Variants in ATG16L1 observed in about 807,000 individuals in gnomAD.
ATG16L1 encodes autophagy-related protein 16-1.
ATG16L1 carries 37 observed loss-of-function variants against 88.5 expected under a neutral mutation model. The observed-to-expected ratio is 0.42, with a 90% CI of 0.32 to 0.55. The LOEUF (loss-of-function observed/expected upper bound fraction) is 0.55. ATG16L1 is among the 20% of genes least tolerant of loss of function. The probability of loss-of-function intolerance (pLI) is 0.13; values close to 1 mark genes in which losing one functional copy is unlikely to be tolerated. For synonymous variants in ATG16L1, 301 were observed against 281.0 expected (o/e 1.07, Z -0.71); for missense variants, 554 against 752.8 (o/e 0.74, Z 3.09).
At chr2:233,270,293 C>T (rs12105437) in intron 6 of ATG16L1, among the ~76,000 whole-genome samples, 5,213 of 152,190 alleles carry the variant, frequency 0.034, 200 homozygotes, top group African/African-American at 0.088. Flanking sequence ...TGAAAACATA[C>T]AGTTCTTCCA....
chr2:233,253,926 T>C (rs1377281452), intron 1 of ATG16L1, among the ~76,000 whole-genome samples: 1 of 152,204 alleles, frequency 6.6e-6, no homozygotes, highest in Non-Finnish European at 1.5e-5. Flanking sequence ...AAAGCTAATA[T>C]CCTTTGAAAG....
intron 9 of ATG16L1, among the ~76,000 whole-genome samples, chr2:233,276,159 C>T (rs1454501523): frequency 1.3e-5 from 2 of 152,132 alleles, no homozygotes; most frequent in Admixed American, 1.3e-4. Flanking sequence ...TGTTAATAGT[C>T]ACTCCCTCCG....
intron 13 of ATG16L1, 122 bp downstream of exon 13, chr2:233,290,096 T>G: frequency 6.5e-7 from 1 of 1,533,420 alleles, no homozygotes; most frequent in Non-Finnish European, 8.9e-7. Flanking sequence ...GCTTCATGTT[T>G]AGAGGGGCAC....
chr2:233,280,180 C>T (rs529987832), intron 10 of ATG16L1, among the ~76,000 whole-genome samples: 4 of 152,176 alleles, frequency 2.6e-5, no homozygotes, highest in African/African-American at 9.7e-5. Context: ...TGGCTCCAAT[C>T]ATTATTTTTA....
chr2:233,253,340 G>GTTTTTTTTTTT lies in ATG16L1; in HGVS notation c.115+1409_115+1419dup, dbSNP rs56151049. On this transcript the variant is annotated intron_variant, in intron 1 of 17. Coordinates refer to ENST00000392017, the MANE Select transcript of ATG16L1 (RefSeq NM_030803.7). ...GTTAATGGTGAGACTGGGTTTTTTT[G>GTTTTTTTTTTT]TTTTTTTTTTTTTTTTTTTTTGGAG... 2.2e-3 allele frequency among the ~76,000 whole-genome samples: 235 copies of GTTTTTTTTTTT among 108,602 alleles called. 3 individuals carry two copies. The highest frequency in any genetic ancestry group is 3.6e-3 in the East Asian group (13 of 3,640). The allele number at this position is 108,602 out of a possible 152,430, so 71.2% of individuals were successfully genotyped here.
At chr2:233,253,353 T>TTTTTG (rs1696543606) in intron 1 of ATG16L1, among the ~76,000 whole-genome samples, 1 of 140,950 alleles carries the variant, frequency 7.1e-6, no homozygotes, top group Non-Finnish European at 1.5e-5. Context: ...TTTTTTTTTT[T>TTTTTG]TTTTTTTTGG....
chr2:233,258,738 C>T (rs1696988233), intron 2 of ATG16L1, among the ~76,000 whole-genome samples: 1 of 152,140 alleles, frequency 6.6e-6, no homozygotes, highest in Non-Finnish European at 1.5e-5. Flanking sequence ...TCTCTGTTGC[C>T]CAGGCTGGAG....
At chr2:233,257,540 C>A (rs915942621) in intron 2 of ATG16L1, among the ~76,000 whole-genome samples, 14 of 152,152 alleles carry the variant, frequency 9.2e-5, no homozygotes, top group African/African-American at 3.4e-4. Context: ...CTATGATACT[C>A]AGTAGGTGAG....
chr2:233,293,429 C>G, intron 17 of ATG16L1, 72 bp downstream of exon 17: 3 of 1,377,718 alleles, frequency 2.2e-6, no homozygotes, highest in Non-Finnish European at 2.1e-6. Flanking sequence ...AGGGGTCATC[C>G]GGTTTAGACC....
intron 2 of ATG16L1, among the ~76,000 whole-genome samples, chr2:233,262,611 A>G (rs1697295954): frequency 6.6e-6 from 1 of 152,138 alleles, no homozygotes; most frequent in Non-Finnish European, 1.5e-5. Flanking sequence ...CACATGGCTT[A>G]TTCCTCACTT....
chr2:233,290,162 C>A, intron 13 of ATG16L1, 86 bp from the exon 14 acceptor site: 2 of 1,516,666 alleles, frequency 1.3e-6, no homozygotes, highest in Non-Finnish European at 1.8e-6. Flanking sequence ...GTAACTCTGA[C>A]AAGTCAGTGG....
intron 8 of ATG16L1, chr2:233,274,150 G>A: frequency 2.5e-6 from 3 of 1,215,046 alleles, no homozygotes; most frequent in Non-Finnish European, 3.5e-6. Context: ...TGCTAACGAG[G>A]ATGCTTTGCA....
At chr2:233,273,829 A>G in intron 8 of ATG16L1, 52 bp downstream of exon 8, 1 of 1,578,798 alleles carries the variant, frequency 6.3e-7, no homozygotes. Context: ...ACCTAAGTAT[A>G]TGTACATGAC....
Position 233,263,253 on chromosome 2 carries a change from C to T in ATG16L1, c.315+18C>T. 1 of 1,605,548 alleles carries T rather than the reference C, an allele frequency of 6.2e-7. No individual in the cohort carries two copies. The highest frequency in any genetic ancestry group is 8.5e-7 in the Non-Finnish European group (1 of 1,173,320). On this transcript the variant is annotated intron_variant, in intron 3 of 17. Transcript: ENST00000392017. ...GTGGGGAGGTAAAGCTAGCCCTTTT[C>T]CTCATCTGTCTTCTGCCCTCTATGA...
At chr2:233,253,229 T>C (rs908839094) in intron 1 of ATG16L1, among the ~76,000 whole-genome samples, 7 of 152,022 alleles carry the variant, frequency 4.6e-5, no homozygotes, top group Non-Finnish European at 7.4e-5. Flanking sequence ...CAAAATTCTG[T>C]GTATGAAGCA....
chr2:233,266,984 G>T (rs1477949996), intron 5 of ATG16L1, among the ~76,000 whole-genome samples: 2 of 152,102 alleles, frequency 1.3e-5, no homozygotes, highest in Non-Finnish European at 1.5e-5. Context: ...AAGAGTAGTG[G>T]GGAAGGAGGT....
At chr2:233,279,918 C>T (rs960748464) in intron 10 of ATG16L1, among the ~76,000 whole-genome samples, 4 of 152,118 alleles carry the variant, frequency 2.6e-5, no homozygotes, top group Non-Finnish European at 5.9e-5. Flanking sequence ...TAAGCATAAG[C>T]CAAAGAGATA....
rs983316266 is a variant in ATG16L1 at position 233,273,660 on chromosome 2, T to C, written c.795-61T>C. 9.3e-6 allele frequency: 14 copies of C among 1,512,048 alleles called. No homozygotes were observed. In the African/African-American group the frequency reaches 1.2e-4, roughly 13 times the overall value. The allele number at this position is 1,512,048 out of a possible 1,614,324, so 93.7% of individuals were successfully genotyped here. ...GTTACCTGTTTTTGTGGGCTGTTTA[T>C]TGATTGATTATTTGGGCAAAATGTT... On this transcript the variant is annotated intron_variant, in intron 7 of 17. Coordinates refer to ENST00000392017, the MANE Select transcript of ATG16L1 (RefSeq NM_030803.7).
chr2:233,277,274 C>T (rs1559399205), intron 9 of ATG16L1: 2 of 239,252 alleles, frequency 8.4e-6, no homozygotes, highest in South Asian at 6.6e-5. Flanking sequence ...AAATATAGGC[C>T]ATTATTGTTA....
Sources: allele counts gnomAD v4.1 joint callset (sites outside exome capture counted in the v4.1 genomes callset), GRCh38; gene constraint gnomAD v4.1.1; transcripts MANE v1.5; gene names NCBI Gene and HGNC (gene_info 2026-07-23, HGNC 2026-07-21).